Variants in AGBL4 observed in about 807,000 individuals in gnomAD.
AGBL4 encodes cytosolic carboxypeptidase 6.
AGBL4 carries 58 observed loss-of-function variants against 66.4 expected under a neutral mutation model. The observed-to-expected ratio is 0.87, with a 90% CI of 0.71 to 1.09. AGBL4 has a LOEUF of 1.09. Among genes scored for constraint, AGBL4 ranks in the 50% least tolerant of loss-of-function variants. The pLI, the probability that AGBL4 is intolerant of heterozygous loss-of-function variation, is 0.00. For synonymous variants in AGBL4, 234 were observed against 222.9 expected, an observed-to-expected ratio of 1.05 and a Z score of -0.44; for missense variants, 579 against 631.0, an observed-to-expected ratio of 0.92 and a Z score of 0.88.
chr1:49,923,917 C>T (rs1652509575), intron 1 of AGBL4, among the ~76,000 whole-genome samples: 2 of 152,236 alleles, frequency 1.3e-5, no homozygotes, highest in South Asian at 2.1e-4. Context: ...GGTGATTCCT[C>T]GAAGACCTAA....
chr1:49,473,062 C>A (rs1646777256), intron 3 of AGBL4, among the ~76,000 whole-genome samples: 1 of 152,040 alleles, frequency 6.6e-6, no homozygotes, highest in Admixed American at 6.6e-5. Context: ...CATTGATAAG[C>A]ATCTAGGTTG....
At chr1:49,735,511 A>T (rs762521470) in intron 2 of AGBL4, among the ~76,000 whole-genome samples, 5 of 151,960 alleles carry the variant, frequency 3.3e-5, no homozygotes, top group African/African-American at 4.8e-5. Context: ...TGTAATACCC[A>T]TTTCAAACTC....
intron 3 of AGBL4, among the ~76,000 whole-genome samples, chr1:49,446,865 CAA>C (rs1412542436): frequency 6.6e-6 from 1 of 152,196 alleles, no homozygotes; most frequent in African/African-American, 2.4e-5. Context: ...GGCAATAGTG[CAA>C]AGTCACCCAC....
intron 1 of AGBL4, among the ~76,000 whole-genome samples, chr1:49,948,414 G>GATAAATAT: frequency 1.2e-5 from 1 of 83,900 alleles, no homozygotes; most frequent in South Asian, 3.6e-4. Flanking sequence ...TATAAATATA[G>GATAAATAT]ATAAATATAG....
At chr1:49,634,170 C>T (rs1287860035) in intron 3 of AGBL4, among the ~76,000 whole-genome samples, 2 of 151,972 alleles carry the variant, frequency 1.3e-5, no homozygotes, top group African/African-American at 4.8e-5. Flanking sequence ...ACCTATCAAA[C>T]CATCATCTAC....
intron 1 of AGBL4, among the ~76,000 whole-genome samples, chr1:49,914,282 A>C (rs1345742148): frequency 6.6e-6 from 1 of 152,186 alleles, no homozygotes; most frequent in African/African-American, 2.4e-5. Context: ...TGTTGCTTAG[A>C]TATTTCTTCC....
At chr1:49,048,928 T>C (rs138709050) in intron 4 of AGBL4, among the ~76,000 whole-genome samples, 154 of 152,164 alleles carry the variant, frequency 1.0e-3, no homozygotes, top group African/African-American at 3.6e-3. Context: ...ACTCCCCTTT[T>C]CCCCTTGCCA....
intron 1 of AGBL4, among the ~76,000 whole-genome samples, chr1:49,979,888 T>C (rs771066302): frequency 3.3e-5 from 5 of 152,208 alleles, no homozygotes; most frequent in Admixed American, 6.5e-5. Flanking sequence ...TACCATACAT[T>C]GAAGTCTACA....
intron 5 of AGBL4, among the ~76,000 whole-genome samples, chr1:48,878,423 T>C (rs1338353357): frequency 6.6e-6 from 1 of 152,172 alleles, no homozygotes; most frequent in East Asian, 1.9e-4. Context: ...ACTGTCTAAG[T>C]GACCATGAAC....
chr1:48,530,230 T>C (rs1643898180), downstream of AGBL4, among the ~76,000 whole-genome samples: 1 of 152,220 alleles, frequency 6.6e-6, no homozygotes, highest in Non-Finnish European at 1.5e-5. Context: ...TTCTCATTTT[T>C]TCTCATCTTC....
intron 3 of AGBL4, among the ~76,000 whole-genome samples, chr1:49,428,206 G>C (rs1645709404): frequency 6.6e-6 from 1 of 152,130 alleles, no homozygotes; most frequent in Non-Finnish European, 1.5e-5. Context: ...AAAATATCAG[G>C]AAGCTTGCTT....
At chr1:49,833,776 A>G (rs532349493) in intron 2 of AGBL4, among the ~76,000 whole-genome samples, 1 of 152,268 alleles carries the variant, frequency 6.6e-6, no homozygotes, top group South Asian at 2.1e-4. Flanking sequence ...GAGTTCACTC[A>G]TGATTTGGCT....
intron 3 of AGBL4, among the ~76,000 whole-genome samples, chr1:49,694,015 C>A (rs986487904): frequency 6.6e-6 from 1 of 152,100 alleles, no homozygotes; most frequent in African/African-American, 2.4e-5. Context: ...CCATATGCTG[C>A]GAGCTTTTAT....
chr1:49,289,015 C>G (rs551456408), intron 3 of AGBL4, among the ~76,000 whole-genome samples: 114 of 150,050 alleles, frequency 7.6e-4, no homozygotes, highest in South Asian at 1.1e-3. Context: ...CACACACACA[C>G]AGAGAGAGAG....
chr1:49,139,345 A>C (rs553888231), intron 4 of AGBL4, among the ~76,000 whole-genome samples: 5 of 152,310 alleles, frequency 3.3e-5, no homozygotes, highest in African/African-American at 1.2e-4. Context: ...CTGAGGCTCA[A>C]TGAGGTAGAG....
intron 3 of AGBL4, among the ~76,000 whole-genome samples, chr1:49,349,409 G>C (rs941069400): frequency 1.3e-5 from 2 of 152,052 alleles, no homozygotes; most frequent in Non-Finnish European, 1.5e-5. Flanking sequence ...CCCTCTACCA[G>C]GTTCTTTCCT....
chr1:48,675,737 C>T (rs1646354468), intron 6 of AGBL4, among the ~76,000 whole-genome samples: 1 of 152,184 alleles, frequency 6.6e-6, no homozygotes, highest in Admixed American at 6.5e-5. Context: ...ACCATTAGAG[C>T]TGAGTATGGT....
chr1:48,666,525 C>T (rs1008792180), intron 6 of AGBL4, among the ~76,000 whole-genome samples: 2 of 152,318 alleles, frequency 1.3e-5, no homozygotes, highest in South Asian at 2.1e-4. Flanking sequence ...TTAGCATGCA[C>T]GTGCACACAC....
chr1:48,977,495 G>A (rs1041548517), intron 5 of AGBL4, among the ~76,000 whole-genome samples: 5 of 152,144 alleles, frequency 3.3e-5, no homozygotes, highest in East Asian at 1.9e-4. Flanking sequence ...ATAGACATCC[G>A]AGACTCAAGG....
Sources: gnomAD v4.1 joint callset for allele counts (sites outside exome capture counted in the v4.1 genomes callset) on GRCh38, gnomAD v4.1.1 for gene constraint, MANE v1.5 for transcripts, NCBI Gene and HGNC (gene_info 2026-07-23, HGNC 2026-07-21) for gene names.